KHDRBS3: variants seen among roughly 807,000 people sequenced by gnomAD.
KHDRBS3 encodes KH domain-containing, RNA-binding, signal transduction-associated protein 3.
KHDRBS3 carries 23 observed loss-of-function variants against 45.6 expected under a neutral mutation model. The ratio of observed to expected loss-of-function variants is 0.50; its 90% CI spans 0.36 to 0.72. The LOEUF is 0.72. KHDRBS3 is among the 30% of genes least tolerant of loss of function. The probability of loss-of-function intolerance (pLI) is 0.00; values close to 1 mark genes in which losing one functional copy is unlikely to be tolerated. For missense variants in KHDRBS3, 352 were observed against 424.8 expected, an observed-to-expected ratio of 0.83 and a Z score of 1.51; for synonymous variants, 162 against 156.5, an observed-to-expected ratio of 1.04 and a Z score of -0.26.
intron 1 of KHDRBS3, among the ~76,000 whole-genome samples, chr8:135,461,645 C>A (rs868287347): frequency 1.3e-5 from 2 of 152,184 alleles, no homozygotes; most frequent in Non-Finnish European, 2.9e-5. Context: ...ATGTCTTATG[C>A]ATTATAATTT....
At chr8:135,519,320 G>A (rs898646336) in intron 1 of KHDRBS3, among the ~76,000 whole-genome samples, 3 of 152,140 alleles carry the variant, frequency 2.0e-5, no homozygotes, top group African/African-American at 4.8e-5. Flanking sequence ...GGGAGTTAGC[G>A]TCAGGCCTCC....
At position 135,601,390 on chromosome 8, in the gene KHDRBS3, G is replaced by A. The variant is rs573267553; in HGVS notation, c.808-5565G>A. Among the ~76,000 whole-genome samples, 4 of 152,292 alleles carry A rather than the reference G, an allele frequency of 2.6e-5. No individual in the cohort carries two copies. In the East Asian group the frequency reaches 5.8e-4, roughly 22 times the overall value. ...TTGTTGGCATAACAAAGGTGTCATGGACGGTTTTCATGGGACTCAGAAGTT... is the reference window on the plus strand; with the variant it reads ...TTGTTGGCATAACAAAGGTGTCATGAACGGTTTTCATGGGACTCAGAAGTT... On this transcript the variant is annotated intron_variant, in intron 6 of 8. Transcript: ENST00000355849.
At chr8:135,496,597 C>G (rs1823462454) in intron 1 of KHDRBS3, among the ~76,000 whole-genome samples, 1 of 152,122 alleles carries the variant, frequency 6.6e-6, no homozygotes, top group Non-Finnish European at 1.5e-5. Flanking sequence ...ATCCACTAGG[C>G]TGAACATGAA....
rs911922073 is a variant in KHDRBS3 at position 135,510,138 on chromosome 8, C to A, written c.89-11099C>A. Among the ~76,000 whole-genome samples, 7 of 152,096 alleles carry A rather than the reference C, an allele frequency of 4.6e-5. No homozygotes were observed. The East Asian group carries it at 7.8e-4, about 17-fold the overall frequency. ...GGGACTACAGGCATGCACTACCATG[C>A]CTAATTATTTTTATTTTTTGTAGAG... On this transcript the variant is annotated intron_variant, in intron 1 of 8. Coordinates refer to ENST00000355849, the MANE Select transcript of KHDRBS3 (RefSeq NM_006558.3).
intron 6 of KHDRBS3, among the ~76,000 whole-genome samples, chr8:135,598,824 C>A (rs563602711): frequency 6.6e-6 from 1 of 152,052 alleles, no homozygotes; most frequent in Non-Finnish European, 1.5e-5. Context: ...TTTAACGTTG[C>A]GTTTTATATG....
At chr8:135,573,601 A>G (rs904223409) in intron 5 of KHDRBS3, among the ~76,000 whole-genome samples, 2 of 152,254 alleles carry the variant, frequency 1.3e-5, no homozygotes, top group African/African-American at 4.8e-5. Flanking sequence ...CAAATGACAG[A>G]ACTGCATTTG....
intron 6 of KHDRBS3, among the ~76,000 whole-genome samples, chr8:135,600,317 G>T (rs1001736360): frequency 6.6e-6 from 1 of 152,164 alleles, no homozygotes; most frequent in African/African-American, 2.4e-5. Flanking sequence ...AGAAATCCAG[G>T]ATCAGTTACG....
chr8:135,502,336 T>G (rs909305928), intron 1 of KHDRBS3, among the ~76,000 whole-genome samples: 1 of 152,200 alleles, frequency 6.6e-6, no homozygotes, highest in Non-Finnish European at 1.5e-5. Flanking sequence ...CTGTTCTTTA[T>G]TCTTTGAGAA....
chr8:135,534,882 G>A (rs543287466), intron 2 of KHDRBS3, among the ~76,000 whole-genome samples: 209 of 152,206 alleles, frequency 1.4e-3, no homozygotes, highest in African/African-American at 4.6e-3. Context: ...GCCTATTCAC[G>A]CTGAGGCTGC....
At chr8:135,585,545 C>T (rs539628141) in intron 6 of KHDRBS3, among the ~76,000 whole-genome samples, 39 of 152,134 alleles carry the variant, frequency 2.6e-4, no homozygotes, top group African/African-American at 9.4e-4. Flanking sequence ...CATAGTAGGT[C>T]TTTAGTAAAT....
chr8:135,541,819 A>C (rs764047122), intron 2 of KHDRBS3: 2 of 152,134 alleles, frequency 1.3e-5, no homozygotes, highest in African/African-American at 2.4e-5. Context: ...GTATGTATTG[A>C]GTGTCTGTTA....
intron 1 of KHDRBS3, among the ~76,000 whole-genome samples, chr8:135,462,285 G>T (rs1463736515): frequency 3.4e-5 from 5 of 148,828 alleles, no homozygotes; most frequent in African/African-American, 5.0e-5. Flanking sequence ...TGTTAGATAT[G>T]CCATTTCTGA....
At chr8:135,626,140 G>A (rs184528266) in intron 7 of KHDRBS3, among the ~76,000 whole-genome samples, 179 of 152,248 alleles carry the variant, frequency 1.2e-3, no homozygotes, top group Non-Finnish European at 2.1e-3. Context: ...ATTAACAGCT[G>A]TCCTTCATAT....
intron 1 of KHDRBS3, among the ~76,000 whole-genome samples, chr8:135,494,992 C>T (rs1362674331): frequency 6.6e-6 from 1 of 152,242 alleles, no homozygotes; most frequent in Non-Finnish European, 1.5e-5. Context: ...CTAATCTCCA[C>T]TTGTACCACC....
At chr8:135,492,989 T>G (rs965703537) in intron 1 of KHDRBS3, among the ~76,000 whole-genome samples, 3 of 152,188 alleles carry the variant, frequency 2.0e-5, no homozygotes, top group African/African-American at 7.2e-5. Flanking sequence ...CTTTTTAAAT[T>G]TCTACCAGCA....
At chr8:135,616,815 CTA>C (rs1309151255) in intron 7 of KHDRBS3, among the ~76,000 whole-genome samples, 1 of 152,088 alleles carries the variant, frequency 6.6e-6, no homozygotes, top group Non-Finnish European at 1.5e-5. Context: ...TAAAGTCTTT[CTA>C]TGTTTCATTC....
chr8:135,633,249 A>G (rs1490272424), intron 7 of KHDRBS3, among the ~76,000 whole-genome samples: 1 of 152,228 alleles, frequency 6.6e-6, no homozygotes, highest in Non-Finnish European at 1.5e-5. Context: ...GATTTTGTGC[A>G]TGGCCACTGC....
intron 1 of KHDRBS3, among the ~76,000 whole-genome samples, chr8:135,490,074 G>C (rs1823066012): frequency 1.3e-5 from 2 of 152,130 alleles, no homozygotes; most frequent in South Asian, 4.1e-4. Flanking sequence ...TGCCATACAG[G>C]TTTGTAGTTT....
chr8:135,473,487 G>C (rs568822738), intron 1 of KHDRBS3, among the ~76,000 whole-genome samples: 1 of 152,272 alleles, frequency 6.6e-6, no homozygotes, highest in Admixed American at 6.5e-5. Context: ...GGGGTACTCT[G>C]AGGATATGTG....
Sources: allele counts gnomAD v4.1 joint callset (sites outside exome capture counted in the v4.1 genomes callset), GRCh38; gene constraint gnomAD v4.1.1; transcripts MANE v1.5; gene names NCBI Gene and HGNC (gene_info 2026-07-23, HGNC 2026-07-21).